CNTN4: variants seen among roughly 807,000 people sequenced by gnomAD.
CNTN4 encodes contactin 4.
A neutral mutation model predicts 122.5 loss-of-function variants in CNTN4; 77 were observed. That is an observed-to-expected ratio of 0.63 (90% CI 0.52 to 0.76). The LOEUF (loss-of-function observed/expected upper bound fraction) is 0.76, where lower values mean the gene tolerates loss of function less well. Ranked by LOEUF, CNTN4 falls within the 30% of genes least tolerant of loss-of-function variation. The pLI is 0.00. For synonymous variants in CNTN4, 512 were observed against 447.0 expected (o/e 1.15, Z -1.83); for missense variants, 1,256 against 1,259.1 (o/e 1.00, Z 0.04).
At chr3:2,747,333 C>CTAG (rs2089836157) in intron 6 of CNTN4, among the ~76,000 whole-genome samples, 1 of 151,164 alleles carries the variant, frequency 6.6e-6, no homozygotes, top group East Asian at 1.9e-4. Flanking sequence ...GGCGGGAACC[C>CTAG]GGGAGGCGGA....
At chr3:2,681,271 C>T (rs1559381737) in intron 4 of CNTN4, among the ~76,000 whole-genome samples, 1 of 152,136 alleles carries the variant, frequency 6.6e-6, no homozygotes, top group Non-Finnish European at 1.5e-5. Context: ...GGCACATAAG[C>T]TATGGCCTAG....
At chr3:2,422,003 A>G (rs1446033496) in intron 3 of CNTN4, among the ~76,000 whole-genome samples, 1 of 152,132 alleles carries the variant, frequency 6.6e-6, no homozygotes, top group African/African-American at 2.4e-5. Flanking sequence ...ACTCCTAGCC[A>G]CTATTTAATC....
intron 2 of CNTN4, among the ~76,000 whole-genome samples, chr3:2,233,948 C>A (rs1211740017): frequency 6.6e-6 from 1 of 152,032 alleles, no homozygotes; most frequent in African/African-American, 2.4e-5. Flanking sequence ...CCTGGAAAAT[C>A]TACTTTATGC....
intron 2 of CNTN4, among the ~76,000 whole-genome samples, chr3:2,205,027 A>G (rs567052549): frequency 1.3e-5 from 2 of 152,126 alleles, no homozygotes; most frequent in Non-Finnish European, 2.9e-5. Flanking sequence ...GGTTTTGCTT[A>G]ATAAAATAGT....
chr3:2,154,771 C>T (rs1268877796), intron 2 of CNTN4, among the ~76,000 whole-genome samples: 1 of 152,180 alleles, frequency 6.6e-6, no homozygotes, highest in Non-Finnish European at 1.5e-5. Context: ...GGGAACCACT[C>T]CCAATTCGTG....
At chr3:2,504,006 C>T (rs2076667500) in intron 3 of CNTN4, among the ~76,000 whole-genome samples, 1 of 151,814 alleles carries the variant, frequency 6.6e-6, no homozygotes, top group Non-Finnish European at 1.5e-5. Context: ...TGGATTTCAA[C>T]TAAAGCTTTT....
intron 14 of CNTN4, among the ~76,000 whole-genome samples, chr3:3,019,288 T>C (rs1295538521): frequency 6.6e-6 from 1 of 152,054 alleles, no homozygotes; most frequent in African/African-American, 2.4e-5. Flanking sequence ...AAGTACTCAT[T>C]ATTTATTTAT....
chr3:2,507,179 A>AC (rs1453728058), intron 3 of CNTN4, among the ~76,000 whole-genome samples: 6 of 151,864 alleles, frequency 4.0e-5, no homozygotes, highest in African/African-American at 1.5e-4. Flanking sequence ...AACTATAAGA[A>AC]CCCCATCATG....
chr3:2,318,787 A>G (rs972264299), intron 2 of CNTN4, among the ~76,000 whole-genome samples: 6 of 152,262 alleles, frequency 3.9e-5, no homozygotes, highest in South Asian at 2.1e-4. Flanking sequence ...CTGCATGTGC[A>G]TGCCACTATG....
At chr3:2,968,564 T>C (rs1312545984) in intron 13 of CNTN4, among the ~76,000 whole-genome samples, 5 of 152,166 alleles carry the variant, frequency 3.3e-5, no homozygotes, top group African/African-American at 1.2e-4. Flanking sequence ...AATAATTGTA[T>C]TGTAAGTCAG....
At chr3:2,324,291 T>A (rs1227077177) in intron 2 of CNTN4, among the ~76,000 whole-genome samples, 1 of 91,426 alleles carries the variant, frequency 1.1e-5, no homozygotes, top group African/African-American at 3.7e-5. Context: ...TAACTGGATG[T>A]GTCTGCAGCA....
chr3:2,235,422 A>T (rs1378667237), intron 2 of CNTN4, among the ~76,000 whole-genome samples: 4 of 152,182 alleles, frequency 2.6e-5, no homozygotes, highest in African/African-American at 9.6e-5. Flanking sequence ...GTAAATATTT[A>T]ATATTTAAAA....
intron 4 of CNTN4, among the ~76,000 whole-genome samples, chr3:2,600,947 G>A (rs1421057913): frequency 1.3e-5 from 2 of 152,088 alleles, no homozygotes; most frequent in South Asian, 2.1e-4. Flanking sequence ...TTCTCTGATG[G>A]CCAGTGATGA....
chr3:2,418,097 G>C (rs1383313680), intron 3 of CNTN4, among the ~76,000 whole-genome samples: 1 of 152,076 alleles, frequency 6.6e-6, no homozygotes. Context: ...CAAAACCATA[G>C]AGTGTAAAAC....
At chr3:2,781,918 C>T (rs11706468) in intron 6 of CNTN4, among the ~76,000 whole-genome samples, 62,380 of 122,126 alleles carry the variant, frequency 0.51, 17,156 homozygotes, top group East Asian at 0.69. Flanking sequence ...AGAGACGGGG[C>T]TTCACCGTGT....
chr3:2,640,221 A>G (rs1340167876), intron 4 of CNTN4, among the ~76,000 whole-genome samples: 1 of 152,212 alleles, frequency 6.6e-6, no homozygotes, highest in African/African-American at 2.4e-5. Context: ...CAAGTTGAAG[A>G]GTCTAAATTG....
chr3:2,626,641 G>A (rs988422156), intron 4 of CNTN4, among the ~76,000 whole-genome samples: 10 of 152,150 alleles, frequency 6.6e-5, no homozygotes, highest in African/African-American at 1.2e-4. Flanking sequence ...CTTGGAAGTG[G>A]TTATTTTTAC....
At chr3:2,111,526 T>C (rs962452057) in intron 2 of CNTN4, among the ~76,000 whole-genome samples, 1 of 152,150 alleles carries the variant, frequency 6.6e-6, no homozygotes, top group Non-Finnish European at 1.5e-5. Flanking sequence ...GTATTTAGTC[T>C]CCACAGCTGG....
At chr3:3,008,113 T>G (rs931125932) in intron 14 of CNTN4, among the ~76,000 whole-genome samples, 2 of 152,186 alleles carry the variant, frequency 1.3e-5, no homozygotes, top group Admixed American at 6.5e-5. Flanking sequence ...TTTCCATACT[T>G]AAGATAATGA....
Sources: gnomAD v4.1 joint callset for allele counts (sites outside exome capture counted in the v4.1 genomes callset) on GRCh38, gnomAD v4.1.1 for gene constraint, MANE v1.5 for transcripts, NCBI Gene and HGNC (gene_info 2026-07-23, HGNC 2026-07-21) for gene names.